The following GRIA4 variants were observed in gnomAD, a reference collection of about 807,000 sequenced individuals.
GRIA4 encodes glutamate ionotropic receptor AMPA type subunit 4.
In GRIA4, 34 loss-of-function variants were observed where a neutral mutation model predicts 104.0. The ratio of observed to expected loss-of-function variants is 0.33; its 90% CI spans 0.25 to 0.44. GRIA4 has a LOEUF of 0.44. GRIA4 is among the 20% of genes least tolerant of loss of function. GRIA4 has a pLI of 1.00. For missense variants in GRIA4, 750 were observed against 1,096.5 expected (o/e 0.68, Z 4.46); for synonymous variants, 386 against 381.9 (o/e 1.01, Z -0.13).
At chr11:105,624,190 T>C (rs1358224452) in intron 3 of GRIA4, among the ~76,000 whole-genome samples, 2 of 152,106 alleles carry the variant, frequency 1.3e-5, no homozygotes, top group Non-Finnish European at 2.9e-5. Flanking sequence ...AAGAAAGAAG[T>C]TAGGACTGTT....
intron 4 of GRIA4, among the ~76,000 whole-genome samples, chr11:105,804,201 A>G (rs1158434936): frequency 6.6e-6 from 1 of 151,960 alleles, no homozygotes; most frequent in Admixed American, 6.6e-5. Flanking sequence ...ACATTTCATC[A>G]TAGTTTTTCT....
chr11:105,652,479 C>T (rs181142445), intron 3 of GRIA4, among the ~76,000 whole-genome samples: 4 of 152,028 alleles, frequency 2.6e-5, no homozygotes, highest in Admixed American at 6.5e-5. Flanking sequence ...ATTTTTTTAA[C>T]GGAGTTTCTT....
chr11:105,799,186 T>C (rs898831019), intron 4 of GRIA4, among the ~76,000 whole-genome samples: 1 of 152,054 alleles, frequency 6.6e-6, no homozygotes, highest in African/African-American at 2.4e-5. Flanking sequence ...AAGTATCAAA[T>C]GGTTTTAAGG....
intron 16 of GRIA4, among the ~76,000 whole-genome samples, chr11:105,976,761 C>T (rs1859003068): frequency 6.6e-6 from 1 of 151,934 alleles, no homozygotes; most frequent in Non-Finnish European, 1.5e-5. Flanking sequence ...ACATAAGCCA[C>T]AACAATCCAA....
In GRIA4 at chr11:105,879,302, G is replaced by A. The variant is rs762077324; in HGVS notation, c.673-8217G>A. ...AACACCTGCCTTCTGCATTGATCTCGATGGGAGTGGCAGACCGGAGCTGTT... is the reference window on the plus strand; with the variant it reads ...AACACCTGCCTTCTGCATTGATCTCAATGGGAGTGGCAGACCGGAGCTGTT... On this transcript the variant is annotated intron_variant, in intron 5 of 16. Transcript: ENST00000282499. Among the ~76,000 whole-genome samples the A allele has an allele frequency of 3.9e-5, 6 of 152,176 alleles. No individual in the cohort carries two copies. In the South Asian group the frequency reaches 6.2e-4, roughly 16 times the overall value.
rs2136148546 is a variant in GRIA4 at position 105,905,233 on chromosome 11, G to T, written c.1090G>T (p.Asp364Tyr). 1 of 1,610,660 alleles carries T rather than the reference G, an allele frequency of 6.2e-7. No individual in the cohort carries two copies. The highest frequency in any genetic ancestry group is 1.1e-5 in the South Asian group (1 of 90,998). ...IQGLTGNVQF[D>Y]HYGRRVNYTM... is the part of the protein sequence containing the mutation. ...AGGGCTGACAGGGAATGTTCAGTTT[G>T]ACCACTATGGACGTAGAGTCAATTA... The change falls in exon 9 of 17, where the codon GAC (aspartate) becomes TAC (tyrosine). Residue 364 changes from aspartate to tyrosine, a missense_variant. By Grantham distance (160) the Asp-to-Tyr change is radical. Around this residue, in one of 3 missense-constraint regions of GRIA4, gnomAD observed 410 missense variants for 502.7 expected, o/e 0.82. Transcript: ENST00000282499.
chr11:105,792,865 C>G (rs1942273592), intron 4 of GRIA4, among the ~76,000 whole-genome samples: 1 of 151,754 alleles, frequency 6.6e-6, no homozygotes. Context: ...TGCATCTGGG[C>G]ACTTGGTCTG....
chr11:105,764,136 T>G (rs1199576539), intron 4 of GRIA4, among the ~76,000 whole-genome samples: 3 of 152,058 alleles, frequency 2.0e-5, no homozygotes, highest in Non-Finnish European at 2.9e-5. Flanking sequence ...TTTTGTTTTG[T>G]TTTTGTTTTT....
Position 105,891,152 on chromosome 11 carries a change from T to C in GRIA4, c.726+3580T>C, listed in dbSNP as rs111539947. 5.8e-3 allele frequency among the ~76,000 whole-genome samples: 878 copies of C among 152,302 alleles called. 11 individuals carry two copies. Among genetic ancestry groups the C allele is most frequent in the African/African-American group, 0.02 (836 of 41,574 alleles). ...AGTTCTTCTTTCATTTAGCTGCCAG[T>C]TGTTTTTTAAAGACAAGTATGATGA... On this transcript the variant is annotated intron_variant, in intron 6 of 16. Transcript: ENST00000282499.
At chr11:105,911,624 T>C (rs1947237502) in intron 10 of GRIA4, among the ~76,000 whole-genome samples, 1 of 151,142 alleles carries the variant, frequency 6.6e-6, no homozygotes. Context: ...GTACTTAGTT[T>C]TAACTGTGTT....
At chr11:105,873,908 C>T (rs1272943681) in intron 5 of GRIA4, among the ~76,000 whole-genome samples, 1 of 152,088 alleles carries the variant, frequency 6.6e-6, no homozygotes, top group Non-Finnish European at 1.5e-5. Context: ...TCTGCAGAAG[C>T]TTTTTAGTTT....
intron 3 of GRIA4, among the ~76,000 whole-genome samples, chr11:105,653,315 C>G (rs972664678): frequency 6.6e-5 from 10 of 152,296 alleles, no homozygotes; most frequent in Middle Eastern, 3.4e-3. Context: ...CCCTTGCACT[C>G]TGGGACTAAG....
chr11:105,812,982 T>C (rs1412086445), intron 4 of GRIA4, among the ~76,000 whole-genome samples: 1 of 150,116 alleles, frequency 6.7e-6, no homozygotes, highest in East Asian at 2.0e-4. Flanking sequence ...GCACCTGTAG[T>C]CCTCGGGAGG....
intron 3 of GRIA4, among the ~76,000 whole-genome samples, chr11:105,639,635 T>C (rs1342561340): frequency 6.6e-6 from 1 of 152,058 alleles, no homozygotes; most frequent in East Asian, 1.9e-4. Context: ...CTTTTCACAT[T>C]AAAATAAAAC....
intron 14 of GRIA4, among the ~76,000 whole-genome samples, chr11:105,939,557 A>G (rs1385576569): frequency 6.6e-6 from 1 of 152,092 alleles, no homozygotes; most frequent in Non-Finnish European, 1.5e-5. Context: ...TCCCAGAAAG[A>G]TATTTTTTTT....
chr11:105,616,144 AC>A (rs1205623523), intron 3 of GRIA4, among the ~76,000 whole-genome samples: 1 of 151,646 alleles, frequency 6.6e-6, no homozygotes, highest in Non-Finnish European at 1.5e-5. Flanking sequence ...AACTTTTTAA[AC>A]TTTGATAGAA....
intron 3 of GRIA4, among the ~76,000 whole-genome samples, chr11:105,693,851 C>T (rs1243655398): frequency 6.6e-6 from 1 of 152,132 alleles, no homozygotes; most frequent in Non-Finnish European, 1.5e-5. Context: ...CATAGCCAGG[C>T]TCATTCTATG....
intron 3 of GRIA4, among the ~76,000 whole-genome samples, chr11:105,702,600 C>G (rs1423350714): frequency 6.6e-6 from 1 of 150,958 alleles, no homozygotes; most frequent in East Asian, 1.9e-4. Context: ...ACAAACAAGA[C>G]AGATGGCATT....
At chr11:105,717,089 A>C (rs2135564170) in intron 3 of GRIA4, among the ~76,000 whole-genome samples, 1 of 152,210 alleles carries the variant, frequency 6.6e-6, no homozygotes, top group Admixed American at 6.5e-5. Context: ...AAACAAGTGA[A>C]TATTTTCCCC....
Sources: gnomAD v4.1 joint callset for allele counts (sites outside exome capture counted in the v4.1 genomes callset) on GRCh38, gnomAD v4.1.1 for gene constraint, gnomAD v4.1.1 regional missense constraint, MANE v1.5 for transcripts, NCBI Gene and HGNC (gene_info 2026-07-23, HGNC 2026-07-21) for gene names.